Variants in S1PR2 observed in about 807,000 individuals in gnomAD.
S1PR2 encodes the protein sphingosine-1-phosphate receptor 2, also known as sphingosine 1-phosphate receptor 2.
Under a neutral mutation model 16.1 loss-of-function variants are expected in S1PR2, and 9 were observed. That is an observed-to-expected ratio of 0.56 (90% CI 0.34 to 0.98). The LOEUF is 0.98. Among genes scored for constraint, S1PR2 ranks in the 50% least tolerant of loss-of-function variants. The probability of loss-of-function intolerance (pLI) is 0.02; values close to 1 mark genes in which losing one functional copy is unlikely to be tolerated. For missense variants in S1PR2, 361 were observed against 488.4 expected, an observed-to-expected ratio of 0.74 and a Z score of 2.46; for synonymous variants, 224 against 233.9, an observed-to-expected ratio of 0.96 and a Z score of 0.38.
In S1PR2 at chr19:10,223,925, T is replaced by C. The variant is rs146709827; in HGVS notation, c.981A>G (p.Pro327=). 8.7e-5 allele frequency: 140 copies of C among 1,601,216 alleles called. No homozygotes were observed. The East Asian group carries it at 9.8e-4, about 11-fold the overall frequency. The change falls in exon 2 of 2, where the codon CCA becomes CCG. Residue 327 remains proline, a synonymous_variant. Transcript: ENST00000646641. Reference sequence around the variant, plus strand: ...TCTCCAGGGAGCTGGAGCTGCGGAGTGGCAGGAGGTGGTGGCCCGGGGTCC... The same window carrying C: ...TCTCCAGGGAGCTGGAGCTGCGGAGCGGCAGGAGGTGGTGGCCCGGGGTCC... The part of the protein sequence containing the change: ...RGGTPGHHLL[P]LRSSSSLERG...
In S1PR2 at chr19:10,224,442, G is replaced by A. The variant is rs781340607; in HGVS notation, c.464C>T (p.Ser155Leu). ...ACCGAGGACCAGCGAGATGAGCCACGAGGCCCCGATGAGCAGAAGCATGCG... is the reference window on the plus strand; with the variant it reads ...ACCGAGGACCAGCGAGATGAGCCACAAGGCCCCGATGAGCAGAAGCATGCG... ...SCRMLLLIGA[S>L]WLISLVLGGL... The change falls in exon 2 of 2, where the codon TCG becomes TTG. Residue 155 changes from serine (S) to leucine (L), a missense_variant. Coordinates refer to ENST00000646641, the MANE Select transcript of S1PR2 (RefSeq NM_004230.4). 6.2e-6 allele frequency: 10 copies of A among 1,613,502 alleles called. No individual in the cohort carries two copies. Among genetic ancestry groups the A allele is most frequent in the African/African-American group, 5.3e-5 (4 of 74,952 alleles).
At position 10,222,313 on chromosome 19, in the gene S1PR2, A is replaced by C. The variant is rs2039598309; in HGVS notation, c.*1531T>G. 6.6e-6 allele frequency: 1 copy of C among 152,160 alleles called. No homozygotes were observed. Among genetic ancestry groups the C allele is most frequent in the Non-Finnish European group, 1.5e-5 (1 of 68,008 alleles). The allele number at this position is 152,160 out of a possible 1,614,324, so 9.4% of individuals were successfully genotyped here. On this transcript the variant is annotated 3_prime_UTR_variant, in exon 2 of 2. Coordinates refer to ENST00000646641, the MANE Select transcript of S1PR2 (RefSeq NM_004230.4). ...AAAAAAAAATCTTGAAAGAAGACAC[A>C]GCGGGGTTCTTGAAAGAAGACACAG...
At chr19:10,230,797 G>T (rs1568277359) in intron 1 of S1PR2, among the ~76,000 whole-genome samples, 1 of 152,186 alleles carries the variant, frequency 6.6e-6, no homozygotes, top group African/African-American at 2.4e-5. Flanking sequence ...CCGCCCCTTG[G>T]CTTGGAGGCT....
At chr19:10,229,073 T>C (rs1421754759) in intron 1 of S1PR2, among the ~76,000 whole-genome samples, 1 of 151,906 alleles carries the variant, frequency 6.6e-6, no homozygotes, top group Non-Finnish European at 1.5e-5. Flanking sequence ...CAGGGGGAGC[T>C]TTTAAACTTG....
In S1PR2 at chr19:10,228,095, G is replaced by A. The variant is rs2039647395; in HGVS notation, c.-43+3109C>T. On this transcript the variant is annotated intron_variant, in intron 1 of 1. Transcript: ENST00000646641. ...GCGGGCCTATCACCTGAGATCATGA[G>A]TTCAAGACCAGCCTGGCCAACATGG... is the stretch of plus-strand genomic sequence containing the variant. Among the ~76,000 whole-genome samples the A allele has an allele frequency of 6.3e-5, 9 of 142,846 alleles. No homozygotes were observed. In the South Asian group the frequency reaches 2.0e-3, roughly 32 times the overall value. 93.7% of individuals were successfully genotyped at this position (142,846 alleles called of 152,430 possible).
intron 1 of S1PR2, among the ~76,000 whole-genome samples, chr19:10,226,158 A>G (rs2039633313): frequency 6.6e-6 from 1 of 152,182 alleles, no homozygotes; most frequent in African/African-American, 2.4e-5. Context: ...GAGTCTCACC[A>G]CTGATAGCTC....
At chr19:10,230,938 A>C (rs2145447685) in intron 1 of S1PR2, among the ~76,000 whole-genome samples, 1 of 152,294 alleles carries the variant, frequency 6.6e-6, no homozygotes, top group Middle Eastern at 3.4e-3. Context: ...ACTCCAGTCG[A>C]AAGCGCTCGG....
At position 10,224,586 on chromosome 19, in the gene S1PR2, G is replaced by A; in HGVS notation, c.320C>T (p.Ala107Val). The A allele has an allele frequency of 1.2e-6, 2 of 1,613,946 alleles. No homozygotes were observed. Among genetic ancestry groups the A allele is most frequent in the Non-Finnish European group, 1.7e-6 (2 of 1,180,030 alleles). ...TLRLTPVQWFAREGSAFITLS... is the reference protein window; with the variant it reads ...TLRLTPVQWFVREGSAFITLS... Reference sequence around the variant, plus strand: ...CGTGATGAAGGCAGAGCCCTCCCGGGCAAACCACTGCACAGGCGTCAGCCT... The same window carrying A: ...CGTGATGAAGGCAGAGCCCTCCCGGACAAACCACTGCACAGGCGTCAGCCT... Residue 107 changes from alanine to valine, a missense_variant, in exon 2 of 2, where the codon GCC (alanine) becomes GTC (valine). By Grantham distance (64) the Ala-to-Val change is moderately conservative. Coordinates refer to ENST00000646641, the MANE Select transcript of S1PR2 (RefSeq NM_004230.4).
Position 10,223,461 on chromosome 19 carries a change from G to A in S1PR2, c.*383C>T. ...AGATCACGCCACTGCACTCCAGCCT[G>A]GGCAGCAGTGCAAGATTCCGTCTCA... On this transcript the variant is annotated 3_prime_UTR_variant, in exon 2 of 2. Transcript: ENST00000646641. 5.5e-6 allele frequency: 1 copy of A among 182,744 alleles called. No homozygotes were observed. The highest frequency in any genetic ancestry group is 1.1e-5 in the Non-Finnish European group (1 of 87,606). 11.3% of individuals were successfully genotyped at this position (182,744 alleles called of 1,614,324 possible). A position where few individuals can be genotyped will look rare whatever the true frequency, so the allele number is the denominator to read the frequency against.
At chr19:10,229,823 G>A (rs961627835) in intron 1 of S1PR2, among the ~76,000 whole-genome samples, 2 of 152,086 alleles carry the variant, frequency 1.3e-5, no homozygotes, top group Non-Finnish European at 2.9e-5. Context: ...TCTGCACAGC[G>A]CTTGCCACTA....
At position 10,224,027 on chromosome 19, in the gene S1PR2, C is replaced by G. The variant is rs767243037; in HGVS notation, c.879G>C (p.Arg293=). Residue 293 remains arginine (R), a synonymous_variant, in exon 2 of 2, where the codon CGG becomes CGC. Transcript: ENST00000646641. The part of the protein sequence containing the change: ...LNPVIYTWRS[R]DLRREVLRPL... ...GCCGAAGCACCTCCCGCCGCAGGTC[C>G]CGGCTGCGCCACGTGTAGATGACGG... is the stretch of plus-strand genomic sequence containing the variant. 6 of 1,612,422 alleles carry G rather than the reference C, an allele frequency of 3.7e-6. No homozygotes were observed. Among genetic ancestry groups the G allele is most frequent in the Non-Finnish European group, 5.1e-6 (6 of 1,179,712 alleles).
chr19:10,227,520 C>T (rs1436253652), intron 1 of S1PR2, among the ~76,000 whole-genome samples: 2 of 152,210 alleles, frequency 1.3e-5, no homozygotes, highest in South Asian at 2.1e-4. Context: ...GACGCAGCCC[C>T]GGGCATCTTG....
At chr19:10,230,891 AC>A (rs1469812314) in intron 1 of S1PR2, among the ~76,000 whole-genome samples, 2 of 151,660 alleles carry the variant, frequency 1.3e-5, no homozygotes, top group African/African-American at 4.9e-5. Context: ...ACTCCCCAAG[AC>A]CCCGGTCCCC....
Position 10,231,034 on chromosome 19 carries a change from G to T in S1PR2, c.-43+170C>A, listed in dbSNP as rs780899568. On this transcript the variant is annotated intron_variant, in intron 1 of 1. Coordinates refer to ENST00000646641, the MANE Select transcript of S1PR2 (RefSeq NM_004230.4). ...CGGGTTCGCGGCCGAGGCAGTGGGG[G>T]CCGCCCGGATTCTTGGAGAGGGCGC... 9.8e-5 allele frequency among the ~76,000 whole-genome samples: 15 copies of T among 152,372 alleles called. No individual in the cohort carries two copies. The South Asian group carries it at 3.1e-3, about 32-fold the overall frequency.
rs997513795 is a variant in S1PR2, at chr19:10,223,111, G to A, written c.*733C>T. 6.8e-6 allele frequency: 1 copy of A among 146,550 alleles called. No homozygotes were observed. Among genetic ancestry groups the A allele is most frequent in the Non-Finnish European group, 1.5e-5 (1 of 67,292 alleles). The allele number at this position is 146,550 out of a possible 1,614,324, so 9.1% of individuals were successfully genotyped here. A position where few individuals can be genotyped will look rare whatever the true frequency, so the allele number is the denominator to read the frequency against. ...GAACCTGGGAGGTGGAGGTTGCAGT[G>A]AGCTGAGACCGTACCACTGCACTCT... On this transcript the variant is annotated 3_prime_UTR_variant, in exon 2 of 2. Coordinates refer to ENST00000646641, the MANE Select transcript of S1PR2 (RefSeq NM_004230.4).
Position 10,224,158 on chromosome 19 carries a change from A to C in S1PR2, c.748T>G (p.Phe250Val). The change falls in exon 2 of 2, where the codon TTC becomes GTC. Residue 250 changes from phenylalanine (F) to valine (V), a missense_variant. Transcript: ENST00000646641. ...GCATAGTCCAGAAGGAGGATGCTGA[A>C]GGCGGGCAGCCAGCAGACGATAAAG... The part of the protein sequence containing the change: ...GVFIVCWLPA[F>V]SILLLDYACP... The C allele has an allele frequency of 6.2e-7, 1 of 1,606,988 alleles. No homozygotes were observed. The highest frequency in any genetic ancestry group is 8.5e-7 in the Non-Finnish European group (1 of 1,179,988).
At chr19:10,230,987 G>C (rs565252331) in intron 1 of S1PR2, among the ~76,000 whole-genome samples, 3 of 152,364 alleles carry the variant, frequency 2.0e-5, no homozygotes, top group South Asian at 2.1e-4. Context: ...CTGCCGCTGA[G>C]AAAGGCGGGG....
rs1442080866 is a variant in S1PR2 at position 10,223,953 on chromosome 19, C to A, written c.953G>T (p.Gly318Val). 6.2e-7 allele frequency: 1 copy of A among 1,604,910 alleles called. No individual in the cohort carries two copies. Reference protein sequence around the residue: ...PGVGVQGRRRGGTPGHHLLPL... With the variant: ...PGVGVQGRRRVGTPGHHLLPL... ...CAGGAGGTGGTGGCCCGGGGTCCCG[C>A]CCCGCCTCCGTCCTTGCACCCCCAC... Residue 318 changes from glycine to valine, a missense_variant, in exon 2 of 2, where the codon GGC (glycine) becomes GTC (valine). Gly to Val is a moderately radical substitution (Grantham distance 109). Coordinates refer to ENST00000646641, the MANE Select transcript of S1PR2 (RefSeq NM_004230.4).
In S1PR2 at chr19:10,223,418, G is replaced by A. The variant is rs1449889906; in HGVS notation, c.*426C>T. 1.9e-5 allele frequency: 3 copies of A among 159,606 alleles called. No homozygotes were observed. The highest frequency in any genetic ancestry group is 6.3e-5 in the Admixed American group (1 of 15,940). 9.9% of individuals were successfully genotyped at this position (159,606 alleles called of 1,614,324 possible). ...GGAGAACGACATGAACCCAGGAGGC[G>A]GAGCTTGCGGTGAGCCGAGATCACG... On this transcript the variant is annotated 3_prime_UTR_variant, in exon 2 of 2. Coordinates refer to ENST00000646641, the MANE Select transcript of S1PR2 (RefSeq NM_004230.4).
Sources: allele counts gnomAD v4.1 joint callset (sites outside exome capture counted in the v4.1 genomes callset), GRCh38; gene constraint gnomAD v4.1.1; transcripts MANE v1.5; gene names NCBI Gene and HGNC (gene_info 2026-07-23, HGNC 2026-07-21).